Variants in PUS7L observed in about 807,000 individuals in gnomAD.
PUS7L encodes the protein pseudouridylate synthase PUS7L.
Under a neutral mutation model 51.1 loss-of-function variants are expected in PUS7L, and 49 were observed. That is an observed-to-expected ratio of 0.96 (90% CI 0.76 to 1.22). PUS7L has a LOEUF of 1.22. Among genes scored for constraint, PUS7L ranks in the 50% most tolerant of loss-of-function variants. The probability of loss-of-function intolerance (pLI) is 0.00; values close to 1 mark genes in which losing one functional copy is unlikely to be tolerated. For synonymous variants in PUS7L, 277 were observed against 276.2 expected, an observed-to-expected ratio of 1.00 and a Z score of -0.03; for missense variants, 828 against 820.6, an observed-to-expected ratio of 1.01 and a Z score of -0.11.
rs1944401182 is a variant in PUS7L, at chr12:43,721,877, CA to C, written c.*8498del. 1 of 152,130 alleles carries C rather than the reference CA, an allele frequency of 6.6e-6. No individual in the cohort carries two copies. Among genetic ancestry groups the C allele is most frequent in the African/African-American group, 2.4e-5 (1 of 41,434 alleles). 9.4% of individuals were successfully genotyped at this position (152,130 alleles called of 1,614,324 possible). On this transcript the variant is annotated 3_prime_UTR_variant, in exon 9 of 9. Coordinates refer to ENST00000344862, the MANE Select transcript of PUS7L (RefSeq NM_031292.5). Reference sequence around the variant, plus strand: ...ATGATGCCACAAATGGAAAATTCCACACCTGACTTCATGTGATAGGTCACAG... The same window carrying C: ...ATGATGCCACAAATGGAAAATTCCACCCTGACTTCATGTGATAGGTCACAG...
In PUS7L at chr12:43,748,533, A is replaced by G; in HGVS notation, c.987T>C (p.Pro329=). ...GFLAIKLGVI[P]SDFSYAGLKD... ...TAAGGCCTGCATAACTAAAATCCGAAGGAATAACACCAAGTTTGATAGCTA... is the reference window on the plus strand; with the variant it reads ...TAAGGCCTGCATAACTAAAATCCGAGGGAATAACACCAAGTTTGATAGCTA... Residue 329 remains proline (P), a synonymous_variant, in exon 3 of 9, where the codon CCT becomes CCC. Coordinates refer to ENST00000344862, the MANE Select transcript of PUS7L (RefSeq NM_031292.5). 6.2e-7 allele frequency: 1 copy of G among 1,612,112 alleles called. No homozygotes were observed. The highest frequency in any genetic ancestry group is 1.3e-5 in the African/African-American group (1 of 74,920).
In PUS7L at chr12:43,746,173, T is replaced by C. The variant is rs753741856; in HGVS notation, c.1136A>G (p.Asp379Gly). 2.6e-6 allele frequency: 4 copies of C among 1,523,998 alleles called. No individual in the cohort carries two copies. Among genetic ancestry groups the C allele is most frequent in the Admixed American group, 1.8e-5 (1 of 56,586 alleles). 94.4% of individuals were successfully genotyped at this position (1,523,998 alleles called of 1,614,324 possible). ...GAGCTGACCAAGTCTCAGGGAATCA[T>C]CTACAGACCGAATATTAAAGACATT... ...RMNVFNIRSV[D>G]DSLRLGQLKG... Residue 379 changes from aspartate to glycine, a missense_variant, in exon 4 of 9, where the codon GAT becomes GGT. Asp to Gly is a moderately conservative substitution (Grantham distance 94). Coordinates refer to ENST00000344862, the MANE Select transcript of PUS7L (RefSeq NM_031292.5).
chr12:43,738,269 G>A (rs1293783860), intron 6 of PUS7L, 41 bp downstream of exon 6: 2 of 977,792 alleles, frequency 2.0e-6, no homozygotes, highest in Admixed American at 1.7e-5. Context: ...GTGTGTATCT[G>A]TATCTGCATG....
At position 43,728,287 on chromosome 12, in the gene PUS7L, A is replaced by T. The variant is rs1011931868; in HGVS notation, c.*2089T>A. ...GATGAAATAAACTTAGTGTTCCTTTATACACTGCTGAAGTATTTACTAAAT... is the reference window on the plus strand; with the variant it reads ...GATGAAATAAACTTAGTGTTCCTTTTTACACTGCTGAAGTATTTACTAAAT... On this transcript the variant is annotated 3_prime_UTR_variant, in exon 9 of 9. Transcript: ENST00000344862. 1 of 152,170 alleles carries T rather than the reference A, an allele frequency of 6.6e-6. No homozygotes were observed. The highest frequency in any genetic ancestry group is 6.5e-5 in the Admixed American group (1 of 15,272). 9.4% of individuals were successfully genotyped at this position (152,170 alleles called of 1,614,324 possible).
intron 3 of PUS7L, among the ~76,000 whole-genome samples, chr12:43,746,819 C>A (rs1469830845): frequency 6.6e-6 from 1 of 152,176 alleles, no homozygotes; most frequent in Non-Finnish European, 1.5e-5. Flanking sequence ...AGTTTACTGC[C>A]CGCAAATGTA....
chr12:43,748,095 A>G (rs1592175597), intron 3 of PUS7L, among the ~76,000 whole-genome samples: 1 of 152,310 alleles, frequency 6.6e-6, no homozygotes. Flanking sequence ...AGCCTATTGC[A>G]GTTATTTCTG....
chr12:43,745,906 T>C, intron 4 of PUS7L, 140 bp downstream of exon 4: 1 of 512,238 alleles, frequency 2.0e-6, no homozygotes, highest in Non-Finnish European at 3.4e-6. Context: ...GCCCTAATTA[T>C]CACTTTAGAA....
At chr12:43,752,997 AAT>A (rs1231211368) in intron 2 of PUS7L, among the ~76,000 whole-genome samples, 20 of 151,212 alleles carry the variant, frequency 1.3e-4, no homozygotes, top group Non-Finnish European at 2.8e-4. Context: ...AATTTAAACT[AAT>A]ATATAAAGTT....
In PUS7L at chr12:43,755,091, T is replaced by A; in HGVS notation, c.155A>T (p.Glu52Val). Residue 52 changes from glutamate (E) to valine (V), a missense_variant, in exon 2 of 9, where the codon GAG (glutamate) becomes GTG (valine). By Grantham distance (121) the Glu-to-Val change is moderately radical. Coordinates refer to ENST00000344862, the MANE Select transcript of PUS7L (RefSeq NM_031292.5). ...QGQLVNKTID[E>V]PIFKISEIQL... ...TATTTCACTAATCTTGAAAATAGGC[T>A]CATCGATGGTCTTATTAACTAACTG... 1 of 1,613,754 alleles carries A rather than the reference T, an allele frequency of 6.2e-7. No homozygotes were observed. The highest frequency in any genetic ancestry group is 8.5e-7 in the Non-Finnish European group (1 of 1,179,814).
intron 2 of PUS7L, among the ~76,000 whole-genome samples, chr12:43,753,913 ACAGAGTATCT>A (rs1938570573): frequency 6.6e-6 from 1 of 152,166 alleles, no homozygotes; most frequent in South Asian, 2.1e-4. Context: ...GTTTTGGATT[ACAGAGTATCT>A]CTTCACTTTC....
In PUS7L at chr12:43,726,149, C is replaced by T. The variant is rs567403459; in HGVS notation, c.*4227G>A. ...CACAACCTGACATCAAACTAAACTA[C>T]AAGGCTATAGTAACCAAAACAGCAT... is the stretch of plus-strand genomic sequence containing the variant. On this transcript the variant is annotated 3_prime_UTR_variant, in exon 9 of 9. Transcript: ENST00000344862. 1.3e-5 allele frequency: 2 copies of T among 152,126 alleles called. No homozygotes were observed. The highest frequency in any genetic ancestry group is 2.9e-5 in the Non-Finnish European group (2 of 68,026). 9.4% of individuals were successfully genotyped at this position (152,126 alleles called of 1,614,324 possible).
At chr12:43,732,244 C>T (rs1944573624) in intron 7 of PUS7L, among the ~76,000 whole-genome samples, 1 of 151,886 alleles carries the variant, frequency 6.6e-6, no homozygotes, top group Non-Finnish European at 1.5e-5. Flanking sequence ...CAGTTTGAGA[C>T]CAGCATGGAC....
chr12:43,752,897 T>C (rs971160018), intron 2 of PUS7L, among the ~76,000 whole-genome samples: 2 of 152,248 alleles, frequency 1.3e-5, no homozygotes, highest in Non-Finnish European at 2.9e-5. Context: ...TATATTTTAA[T>C]GTAATTTAAA....
chr12:43,736,910 A>G (rs145470895), intron 6 of PUS7L, among the ~76,000 whole-genome samples: 1,925 of 152,274 alleles, frequency 0.013, 41 homozygotes, highest in African/African-American at 0.044. Context: ...ACAGCTTACT[A>G]AAGTCCCTTA....
intron 1 of PUS7L, chr12:43,758,332 A>G: frequency 1.0e-6 from 1 of 985,530 alleles, no homozygotes; most frequent in Non-Finnish European, 1.2e-6. Context: ...CTGAAGGTGC[A>G]GTATTCCCAT....
chr12:43,741,637 A>G (rs981423786), intron 5 of PUS7L, among the ~76,000 whole-genome samples: 3 of 152,236 alleles, frequency 2.0e-5, no homozygotes, highest in Non-Finnish European at 4.4e-5. Flanking sequence ...ACTCTTTATT[A>G]TATCAGTTAT....
intron 4 of PUS7L, 25 bp downstream of exon 4, chr12:43,746,021 G>A (rs779868614): frequency 1.7e-5 from 18 of 1,065,176 alleles, no homozygotes; most frequent in Non-Finnish European, 2.5e-5. Context: ...TTCCCTGGAT[G>A]CCTTTTAAAA....
chr12:43,729,603 A>T lies in PUS7L; in HGVS notation c.*773T>A, dbSNP rs1488808604. On this transcript the variant is annotated 3_prime_UTR_variant, in exon 9 of 9. Transcript: ENST00000344862. ...TAATCCTATTATTTGTCATTTATGA[A>T]GTTGTAATTGTCTTGATTCTATCAG... The T allele has an allele frequency of 6.0e-6, 1 of 166,442 alleles. No homozygotes were observed. Among genetic ancestry groups the T allele is most frequent in the Admixed American group, 6.4e-5 (1 of 15,714 alleles). The allele number at this position is 166,442 out of a possible 1,614,324, so 10.3% of individuals were successfully genotyped here. A position where few individuals can be genotyped will look rare whatever the true frequency, so the allele number is the denominator to read the frequency against.
At chr12:43,748,830 T>C (rs1022873858) in intron 2 of PUS7L, among the ~76,000 whole-genome samples, 1 of 152,104 alleles carries the variant, frequency 6.6e-6, no homozygotes, top group African/African-American at 2.4e-5. Flanking sequence ...TTCCAGTGAT[T>C]CTCCTGCCTC....
Sources: gnomAD v4.1 joint callset for allele counts (sites outside exome capture counted in the v4.1 genomes callset) on GRCh38, gnomAD v4.1.1 for gene constraint, MANE v1.5 for transcripts, NCBI Gene and HGNC (gene_info 2026-07-23, HGNC 2026-07-21) for gene names.